NCOR2: variants seen among roughly 807,000 people sequenced by gnomAD.
The protein encoded by NCOR2 is nuclear receptor corepressor 2, also known as CTG repeat protein 26.
NCOR2 carries 81 observed loss-of-function variants against 262.9 expected under a neutral mutation model. The ratio of observed to expected loss-of-function variants is 0.31; its 90% CI spans 0.26 to 0.37. The LOEUF (loss-of-function observed/expected upper bound fraction) is 0.37, where lower values mean the gene tolerates loss of function less well. NCOR2 is among the 10% of genes least tolerant of loss of function. The probability of loss-of-function intolerance (pLI) is 1.00; values close to 1 mark genes in which losing one functional copy is unlikely to be tolerated. For missense variants in NCOR2, 3,385 were observed against 3,621.4 expected (o/e 0.93, Z 1.68); for synonymous variants, 1,659 against 1,559.3 (o/e 1.06, Z -1.51).
chr12:124,368,520 T>TGCCCA (rs2039220365), intron 20 of NCOR2, among the ~76,000 whole-genome samples: 1 of 152,200 alleles, frequency 6.6e-6, no homozygotes, highest in African/African-American at 2.4e-5. Flanking sequence ...CCGTGGGGCC[T>TGCCCA]GCCCACCTCT....
At chr12:124,475,569 C>A (rs2047064325) in intron 3 of NCOR2, among the ~76,000 whole-genome samples, 1 of 152,258 alleles carries the variant, frequency 6.6e-6, no homozygotes, top group African/African-American at 2.4e-5. Flanking sequence ...GCAAAAGCAG[C>A]CACAGGCAAC....
chr12:124,425,960 C>A (rs1403455494), intron 11 of NCOR2, among the ~76,000 whole-genome samples: 2 of 152,142 alleles, frequency 1.3e-5, no homozygotes, highest in Non-Finnish European at 2.9e-5. Context: ...GTGATGGGAT[C>A]ACGAACCCAC....
intron 10 of NCOR2, among the ~76,000 whole-genome samples, chr12:124,427,143 C>T (rs984477793): frequency 3.9e-5 from 6 of 152,138 alleles, no homozygotes; most frequent in Admixed American, 3.9e-4. Flanking sequence ...CCCAGCTGGG[C>T]CCAGGGAGCC....
At chr12:124,388,728 C>A (rs1414423296) in intron 16 of NCOR2, 1 of 1,304,390 alleles carries the variant, frequency 7.7e-7, no homozygotes. Context: ...TTTCCGGAAA[C>A]ATAGGGCTGG....
rs550348022 is a variant in NCOR2, at chr12:124,503,132, A to C, written c.-117-7764T>G. Among the ~76,000 whole-genome samples the C allele has an allele frequency of 6.6e-6, 1 of 152,364 alleles. No homozygotes were observed. The highest frequency in any genetic ancestry group is 2.1e-4 in the South Asian group (1 of 4,832). ...AGCTGAGACCAGGCAAGCCAAACCCATCCCAAACTCCGGTTGCTGACCCAT... is the reference window on the plus strand; with the variant it reads ...AGCTGAGACCAGGCAAGCCAAACCCCTCCCAAACTCCGGTTGCTGACCCAT... On this transcript the variant is annotated intron_variant, in intron 1 of 46. Transcript: ENST00000404621. This position sits in a 1 kb window ranked among gnomAD's most constrained non-coding sequence, Gnocchi z 4.3.
At chr12:124,379,982 C>T (rs1159909907) in intron 17 of NCOR2, among the ~76,000 whole-genome samples, 5 of 152,260 alleles carry the variant, frequency 3.3e-5, no homozygotes, top group South Asian at 2.1e-4. Context: ...GCCCTGTGGA[C>T]GCTTTGGTTC....
At chr12:124,330,034 A>G (rs1248488415) in intron 44 of NCOR2, among the ~76,000 whole-genome samples, 2 of 152,206 alleles carry the variant, frequency 1.3e-5, no homozygotes, top group African/African-American at 4.8e-5. Context: ...CTGAACGACT[A>G]TCCTTCGCTC....
At chr12:124,414,117 G>T (rs758885643) in intron 13 of NCOR2, among the ~76,000 whole-genome samples, 3 of 152,212 alleles carry the variant, frequency 2.0e-5, no homozygotes, top group Admixed American at 1.3e-4. Context: ...CCTACCTGGC[G>T]GATCAGGGCT....
intron 6 of NCOR2, among the ~76,000 whole-genome samples, chr12:124,456,762 G>A (rs1187203620): frequency 1.3e-5 from 2 of 152,164 alleles, no homozygotes; most frequent in Non-Finnish European, 1.5e-5. Context: ...CCAGAGAACC[G>A]GCTCTCCGCG....
At chr12:124,409,739 A>G (rs1462478137) in intron 13 of NCOR2, among the ~76,000 whole-genome samples, 1 of 152,024 alleles carries the variant, frequency 6.6e-6, no homozygotes, top group African/African-American at 2.4e-5. Context: ...GCACAGTGGC[A>G]TGATCACGGC....
chr12:124,438,916 GAGAGAGACGGAGACCCAGAGAC>G (rs2044593750), intron 7 of NCOR2, among the ~76,000 whole-genome samples: 1 of 10,626 alleles, frequency 9.4e-5, no homozygotes, highest in African/African-American at 2.0e-4. Flanking sequence ...GACCCAGAGA[GAGAGAGACGGAGACCCAGAGAC>G]AGAGGGAGAG....
At chr12:124,422,610 G>A in intron 11 of NCOR2, 55 bp from the exon 14 acceptor site, 1 of 1,604,884 alleles carries the variant, frequency 6.2e-7, no homozygotes, top group Non-Finnish European at 8.5e-7. Context: ...TTTCCTGCGG[G>A]GCAGCCGATC....
Position 124,335,592 on chromosome 12 carries a change from G to A in NCOR2, c.6156C>T (p.Pro2052=), listed in dbSNP as rs116511777. Reference sequence around the variant, plus strand: ...GACTGGGTGAGCTCACAGGGCTGACGGGCTCCACCCCTTCGGGGCTGTAGC... The same window carrying A: ...GACTGGGTGAGCTCACAGGGCTGACAGGCTCCACCCCTTCGGGGCTGTAGC... The change falls in exon 39 of 47, where the codon CCC becomes CCT. Residue 2052 remains proline, a synonymous_variant. Transcript: ENST00000405201. 1.7e-3 allele frequency: 2,689 copies of A among 1,607,922 alleles called. 34 individuals carry two copies. In the African/African-American group the frequency reaches 0.031, roughly 19 times the overall value.
At position 124,531,556 on chromosome 12, in the gene NCOR2, C is replaced by T. The variant is rs1174699822; in HGVS notation, c.-118+4009G>A. Among the ~76,000 whole-genome samples, 1 of 152,056 alleles carries T rather than the reference C, an allele frequency of 6.6e-6. No homozygotes were observed. The highest frequency in any genetic ancestry group is 1.5e-5 in the Non-Finnish European group (1 of 67,972). On this transcript the variant is annotated intron_variant, in intron 1 of 46. Coordinates refer to the NCOR2 transcript ENST00000404621. The surrounding 1 kb of genome is among the most constrained non-coding windows in gnomAD (Gnocchi z 4.5). The stretch of plus-strand genomic sequence containing the variant: ...AGGGGAGGAAGGGATTGCAGGGAGC[C>T]CCCGCCCAGGGCTGAGCATCCAGGC...
chr12:124,472,954 G>C (rs1264246876), exon 4 of NCOR2: 3 of 1,614,128 alleles, frequency 1.9e-6, no homozygotes, highest in Non-Finnish European at 8.5e-7. Context: ...ATTCACACCT[G>C]CTTCTTCTTC....
In NCOR2 at chr12:124,432,844, T is replaced by G. The variant is rs1321676889; in HGVS notation, c.883-2057A>C. 8.8e-6 allele frequency among the ~76,000 whole-genome samples: 1 copy of G among 114,142 alleles called. No homozygotes were observed. Among genetic ancestry groups the G allele is most frequent in the Non-Finnish European group, 1.7e-5 (1 of 58,568 alleles). 74.9% of individuals were successfully genotyped at this position (114,142 alleles called of 152,430 possible). A position where few individuals can be genotyped will look rare whatever the true frequency, so the allele number is the denominator to read the frequency against. ...CTGGCTTCCACATCTCCAAGGTGAC[T>G]TGAGCAAGTGGCGGCGGGGGGCGGG... On this transcript the variant is annotated intron_variant, in intron 8 of 46. Coordinates refer to ENST00000405201, the Ensembl canonical transcript of NCOR2. The surrounding 1 kb of genome is among the most constrained non-coding windows in gnomAD (Gnocchi z 5.1).
rs866124321 is a variant in NCOR2 at position 124,360,839 on chromosome 12, G to A, written c.3100+1287C>T. On this transcript the variant is annotated intron_variant, in intron 22 of 46. Transcript: ENST00000405201. Reference sequence around the variant, plus strand: ...CCCGGAGCCGCTCTTCACTCAACCCGTTTTGTTTCTCATGGTGGATGAACG... The same window carrying A: ...CCCGGAGCCGCTCTTCACTCAACCCATTTTGTTTCTCATGGTGGATGAACG... 6.6e-5 allele frequency among the ~76,000 whole-genome samples: 10 copies of A among 151,572 alleles called. No individual in the cohort carries two copies. In the Middle Eastern group the frequency reaches 0.01, roughly 155 times the overall value.
intron 10 of NCOR2, 130 bp from the exon 13 acceptor site, chr12:124,426,930 A>G (rs970921819): frequency 8.0e-6 from 6 of 754,664 alleles, no homozygotes; most frequent in African/African-American, 3.5e-5. Flanking sequence ...AACCAAGGAG[A>G]AGGAGAATGA....
intron 12 of NCOR2, among the ~76,000 whole-genome samples, chr12:124,420,555 C>G (rs1565926897): frequency 1.3e-5 from 2 of 152,162 alleles, no homozygotes; most frequent in Non-Finnish European, 2.9e-5. Flanking sequence ...TGCATCGGGA[C>G]CGCCCCACGC....
Sources: allele counts gnomAD v4.1 joint callset (sites outside exome capture counted in the v4.1 genomes callset), GRCh38; gene constraint gnomAD v4.1.1; non-coding constraint Gnocchi (gnomAD v3.1); transcripts MANE v1.5; gene names NCBI Gene and HGNC (gene_info 2026-07-23, HGNC 2026-07-21).